CLNK: variants seen among roughly 807,000 people sequenced by gnomAD.
CLNK encodes cytokine dependent hematopoietic cell linker.
CLNK carries 74 observed loss-of-function variants against 68.6 expected under a neutral mutation model. That is an observed-to-expected ratio of 1.08 (90% CI 0.89 to 1.31). The LOEUF (loss-of-function observed/expected upper bound fraction) is 1.31, where lower values mean the gene tolerates loss of function less well. Ranked by LOEUF, CLNK falls within the 50% of genes most tolerant of loss-of-function variation. The probability of loss-of-function intolerance (pLI) is 0.00; values close to 1 mark genes in which losing one functional copy is unlikely to be tolerated. For missense variants in CLNK, 553 were observed against 515.3 expected, an observed-to-expected ratio of 1.07 and a Z score of -0.71; for synonymous variants, 198 against 172.2, an observed-to-expected ratio of 1.15 and a Z score of -1.17.
At chr4:10,576,971 A>C (rs1448597356) in intron 4 of CLNK, among the ~76,000 whole-genome samples, 4 of 152,234 alleles carry the variant, frequency 2.6e-5, no homozygotes, top group Non-Finnish European at 4.4e-5. Context: ...TTGCAGGGAC[A>C]GGGTAGCTGG....
At chr4:10,497,433 G>A (rs1716857265) in intron 18 of CLNK, among the ~76,000 whole-genome samples, 1 of 152,162 alleles carries the variant, frequency 6.6e-6, no homozygotes, top group Non-Finnish European at 1.5e-5. Context: ...ACGCAAAGGA[G>A]GAGAAAATTC....
intron 2 of CLNK, among the ~76,000 whole-genome samples, chr4:10,654,829 G>T (rs569262602): frequency 1.3e-5 from 2 of 152,180 alleles, no homozygotes; most frequent in South Asian, 4.1e-4. Flanking sequence ...TCGGCCAGGC[G>T]TGGTGGCTCA....
At chr4:10,646,344 G>T (rs1391923657) in intron 2 of CLNK, among the ~76,000 whole-genome samples, 6 of 152,134 alleles carry the variant, frequency 3.9e-5, no homozygotes, top group African/African-American at 9.7e-5. Context: ...GCTGAATTTT[G>T]TAAGGTTAAG....
the CLNK span, among the ~76,000 whole-genome samples, chr4:10,712,472 T>C: frequency 6.6e-6 from 1 of 152,224 alleles, no homozygotes; most frequent in African/African-American, 2.4e-5. Context: ...GGGAGGAATT[T>C]AGCTTATAGT....
At chr4:10,499,842 TG>T (rs1716967676) in intron 18 of CLNK, among the ~76,000 whole-genome samples, 1 of 152,218 alleles carries the variant, frequency 6.6e-6, no homozygotes, top group East Asian at 1.9e-4. Context: ...CCTCTGTGTG[TG>T]CCTGTGTCCT....
At chr4:10,579,249 C>T (rs1000152488) in intron 4 of CLNK, among the ~76,000 whole-genome samples, 7 of 152,164 alleles carry the variant, frequency 4.6e-5, no homozygotes, top group South Asian at 2.1e-4. Flanking sequence ...AGTTTGGCAT[C>T]GATCTATATC....
intron 3 of CLNK, among the ~76,000 whole-genome samples, chr4:10,586,568 C>A (rs981210992): frequency 3.9e-5 from 6 of 152,102 alleles, no homozygotes; most frequent in Non-Finnish European, 1.5e-5. Flanking sequence ...CCACCTCGGC[C>A]TCCCACAGTG....
the CLNK span, among the ~76,000 whole-genome samples, chr4:10,718,065 A>G: frequency 6.6e-6 from 1 of 152,284 alleles, no homozygotes; most frequent in Middle Eastern, 3.4e-3. Flanking sequence ...AAATACAATA[A>G]CCAAAATTAA....
chr4:10,574,869 A>G (rs111757661), intron 4 of CLNK, among the ~76,000 whole-genome samples: 33,919 of 151,690 alleles, frequency 0.22, 4,048 homozygotes, highest in African/African-American at 0.3. Context: ...GGTGCATGCA[A>G]CCCCCAGTCA....
chr4:10,600,554 T>A (rs911307787), intron 2 of CLNK, among the ~76,000 whole-genome samples: 2 of 152,170 alleles, frequency 1.3e-5, no homozygotes, highest in Non-Finnish European at 2.9e-5. Context: ...CATGTCCATA[T>A]CCCCTTGCAT....
At chr4:10,568,901 T>A (rs1050525479) in intron 5 of CLNK, among the ~76,000 whole-genome samples, 6 of 152,190 alleles carry the variant, frequency 3.9e-5, no homozygotes, top group Non-Finnish European at 5.9e-5. Context: ...GGATGTGACA[T>A]CACAGCAATG....
chr4:10,655,375 A>C (rs1480331696), intron 2 of CLNK, among the ~76,000 whole-genome samples: 3 of 139,362 alleles, frequency 2.2e-5, no homozygotes, highest in African/African-American at 5.2e-5. Context: ...AGAGAGAGAG[A>C]AAGCGAGAGA....
intron 4 of CLNK, among the ~76,000 whole-genome samples, chr4:10,581,646 G>A (rs1399663311): frequency 1.0e-5 from 1 of 97,394 alleles, no homozygotes; most frequent in Non-Finnish European, 2.3e-5. Flanking sequence ...CGAGTCCCCA[G>A]GACCTTTAAT....
At chr4:10,625,987 C>T (rs1219075710) in intron 2 of CLNK, among the ~76,000 whole-genome samples, 1 of 152,222 alleles carries the variant, frequency 6.6e-6, no homozygotes, top group Non-Finnish European at 1.5e-5. Context: ...TTCACAGAAA[C>T]ATTCGTGTGT....
chr4:10,587,354 T>C (rs928000023), intron 3 of CLNK, among the ~76,000 whole-genome samples: 1 of 152,200 alleles, frequency 6.6e-6, no homozygotes, highest in Non-Finnish European at 1.5e-5. Context: ...TTTTGGGCCA[T>C]GCTTTGAAAA....
At chr4:10,548,910 C>T (rs945470014) in intron 8 of CLNK, among the ~76,000 whole-genome samples, 1 of 152,174 alleles carries the variant, frequency 6.6e-6, no homozygotes, top group Non-Finnish European at 1.5e-5. Context: ...CACGACAGCC[C>T]TGTCATGTAA....
At chr4:10,560,379 T>C (rs540047550) in intron 7 of CLNK, among the ~76,000 whole-genome samples, 26 of 152,352 alleles carry the variant, frequency 1.7e-4, no homozygotes, top group South Asian at 4.1e-4. Context: ...AGACAAGAAC[T>C]GGCCTTTGTA....
chr4:10,655,101 G>GA (rs748148319), intron 2 of CLNK, among the ~76,000 whole-genome samples: 7,570 of 72,186 alleles, frequency 0.1, 547 homozygotes, highest in Admixed American at 0.21. Context: ...ACACCGACTC[G>GA]AAAAAAAAAA....
chr4:10,513,421 C>A, intron 16 of CLNK, 43 bp downstream of exon 16: 2 of 1,578,294 alleles, frequency 1.3e-6, no homozygotes, highest in Non-Finnish European at 1.7e-6. Flanking sequence ...TATTTAGATG[C>A]CAAGTACATC....
Sources: gnomAD v4.1 joint callset for allele counts (sites outside exome capture counted in the v4.1 genomes callset) on GRCh38, gnomAD v4.1.1 for gene constraint, MANE v1.5 for transcripts, NCBI Gene and HGNC (gene_info 2026-07-23, HGNC 2026-07-21) for gene names.